The following PPP2R5E variants were observed in gnomAD, a reference collection of about 807,000 sequenced individuals.
The protein encoded by PPP2R5E is protein phosphatase 2 regulatory subunit B'epsilon.
Under a neutral mutation model 65.3 loss-of-function variants are expected in PPP2R5E, and 4 were observed. The observed-to-expected ratio is 0.06, with a 90% CI of 0.03 to 0.14. The LOEUF (loss-of-function observed/expected upper bound fraction) is 0.14, where lower values mean the gene tolerates loss of function less well. Among genes scored for constraint, PPP2R5E ranks in the 10% least tolerant of loss-of-function variants. The pLI is 1.00. For missense variants in PPP2R5E, 274 were observed against 556.1 expected (o/e 0.49, Z 5.10); for synonymous variants, 183 against 187.4 (o/e 0.98, Z 0.19).
chr14:63,469,297 T>C (rs894346618), intron 2 of PPP2R5E, among the ~76,000 whole-genome samples: 4 of 152,028 alleles, frequency 2.6e-5, no homozygotes, highest in Admixed American at 2.6e-4. Context: ...GAAGATATTA[T>C]AAGGGCATAT....
chr14:63,496,978 C>T (rs1200931914), intron 2 of PPP2R5E, among the ~76,000 whole-genome samples: 1 of 152,044 alleles, frequency 6.6e-6, no homozygotes. Flanking sequence ...CAGGCACTCA[C>T]CATAATAGCT....
At chr14:63,542,645 CCCGCACCCCA>C (rs1485489985) in intron 1 of PPP2R5E, 124 bp downstream of exon 1, 1 of 152,466 alleles carries the variant, frequency 6.6e-6, no homozygotes, top group Non-Finnish European at 1.5e-5. Context: ...CGCTCCCGCT[CCCGCACCCCA>C]CCCCACCGCA....
intron 2 of PPP2R5E, among the ~76,000 whole-genome samples, chr14:63,493,070 C>T (rs1357589602): frequency 6.6e-6 from 1 of 152,124 alleles, no homozygotes; most frequent in East Asian, 1.9e-4. Context: ...GTGAGTGTGG[C>T]ACGCAGCCAT....
chr14:63,384,507 G>C lies in PPP2R5E; in HGVS notation c.1139C>G (p.Ser380Cys), dbSNP rs950547340. The change falls in exon 12 of 14, where the codon TCT (serine) becomes TGT (cysteine). Residue 380 changes from serine (S) to cysteine (C), a missense_variant. Around this residue, in one of 6 missense-constraint regions of PPP2R5E, gnomAD observed 129 missense variants for 254.9 expected, o/e 0.51. Coordinates refer to ENST00000337537, the MANE Select transcript of PPP2R5E (RefSeq NM_006246.5). ...AAACATGATGGGAAGGATGACGTTA[G>C]AGTTTTCTTCTATCAAACTCATGAT... ...EYIMSLIEEN[S>C]NVILPIMFSS... The C allele has an allele frequency of 6.2e-7, 1 of 1,613,940 alleles. No homozygotes were observed. Among genetic ancestry groups the C allele is most frequent in the East Asian group, 2.2e-5 (1 of 44,858 alleles).
intron 5 of PPP2R5E, among the ~76,000 whole-genome samples, chr14:63,400,687 G>C (rs1224090711): frequency 2.0e-4 from 1 of 4,950 alleles, no homozygotes; most frequent in African/African-American, 3.2e-4. Flanking sequence ...AAGGCATGTG[G>C]CCCCAACCAG....
rs1883916806 is a variant in PPP2R5E, at chr14:63,375,132, T to G, written c.*877A>C. 1 of 152,598 alleles carries G rather than the reference T, an allele frequency of 6.6e-6. No homozygotes were observed. Among genetic ancestry groups the G allele is most frequent in the African/African-American group, 2.4e-5 (1 of 41,434 alleles). 9.5% of individuals were successfully genotyped at this position (152,598 alleles called of 1,614,324 possible). A position where few individuals can be genotyped will look rare whatever the true frequency, so the allele number is the denominator to read the frequency against. ...TTTCATGGTTGTATTGTTTAGTGTT[T>G]GTCTTTCTTATTTCAAATGGTCCAA... On this transcript the variant is annotated 3_prime_UTR_variant, in exon 14 of 14. Transcript: ENST00000337537.
At chr14:63,494,811 GGCTTGA>G (rs1184858757) in intron 2 of PPP2R5E, among the ~76,000 whole-genome samples, 1 of 151,728 alleles carries the variant, frequency 6.6e-6, no homozygotes, top group Non-Finnish European at 1.5e-5. Context: ...ATGGGAGGAT[GGCTTGA>G]GCCCAGGGGG....
In PPP2R5E at chr14:63,389,659, G is replaced by T; in HGVS notation, c.1027C>A (p.Pro343Thr). Residue 343 changes from proline (P) to threonine (T), a missense_variant, in exon 11 of 14, where the codon CCT (proline) becomes ACT (threonine). This residue lies in a region of PPP2R5E where 129 missense variants were observed against 254.9 expected (regional missense o/e 0.51). Transcript: ENST00000337537. Reference sequence around the variant, plus strand: ...CACTTGGCGATTTGTTTAAACAAAGGTTCTTGGATTTTAACAAATTGTGAA... The same window carrying T: ...CACTTGGCGATTTGTTTAAACAAAGTTTCTTGGATTTTAACAAATTGTGAA... The part of the protein sequence containing the change: ...EPSQFVKIQE[P>T]LFKQIAKCVS... 2 of 1,612,248 alleles carry T rather than the reference G, an allele frequency of 1.2e-6. No homozygotes were observed. The highest frequency in any genetic ancestry group is 1.8e-4 in the Middle Eastern group (1 of 5,658).
chr14:63,428,157 C>G (rs530228790), intron 3 of PPP2R5E, among the ~76,000 whole-genome samples: 1 of 152,288 alleles, frequency 6.6e-6, no homozygotes, highest in East Asian at 1.9e-4. Context: ...CCGGTTCAGA[C>G]CTCCAGCAGC....
intron 2 of PPP2R5E, among the ~76,000 whole-genome samples, chr14:63,455,574 T>A (rs1193739688): frequency 6.6e-6 from 1 of 152,168 alleles, no homozygotes; most frequent in African/African-American, 2.4e-5. Context: ...TAATCGGTTT[T>A]ACAATATTTA....
chr14:63,516,250 C>T (rs1179790072), intron 2 of PPP2R5E, among the ~76,000 whole-genome samples: 1 of 152,122 alleles, frequency 6.6e-6, no homozygotes, highest in Admixed American at 6.5e-5. Context: ...AATGACGACC[C>T]TCATTATCTT....
chr14:63,463,628 G>A (rs1594901941), intron 2 of PPP2R5E, among the ~76,000 whole-genome samples: 1 of 146,700 alleles, frequency 6.8e-6, no homozygotes. Flanking sequence ...ACGGAGTCTA[G>A]CTCTGTCACC....
At chr14:63,523,014 C>T (rs1431018621) in intron 2 of PPP2R5E, among the ~76,000 whole-genome samples, 1 of 150,582 alleles carries the variant, frequency 6.6e-6, no homozygotes, top group Non-Finnish European at 1.5e-5. Context: ...AGGGGCGCCT[C>T]TGCCCGGCCG....
chr14:63,396,859 G>A, intron 5 of PPP2R5E, 143 bp from the exon 6 acceptor site: 3 of 933,180 alleles, frequency 3.2e-6, no homozygotes, highest in African/African-American at 1.7e-5. Flanking sequence ...CTAGTCTTTG[G>A]GCATATCATG....
intron 2 of PPP2R5E, among the ~76,000 whole-genome samples, chr14:63,489,206 A>T (rs1050439237): frequency 6.6e-6 from 1 of 152,024 alleles, no homozygotes; most frequent in Non-Finnish European, 1.5e-5. Context: ...TTCTGATTTT[A>T]AAAATAGTAT....
chr14:63,516,831 T>C (rs1364284490), intron 2 of PPP2R5E, among the ~76,000 whole-genome samples: 1 of 152,234 alleles, frequency 6.6e-6, no homozygotes, highest in East Asian at 1.9e-4. Flanking sequence ...AGTAATGTAC[T>C]AACTTTGACA....
intron 5 of PPP2R5E, among the ~76,000 whole-genome samples, chr14:63,407,847 T>A (rs936874951): frequency 5.3e-5 from 8 of 152,184 alleles, no homozygotes; most frequent in African/African-American, 1.9e-4. Flanking sequence ...CTCTCTCTCA[T>A]CCTTCTGCCT....
chr14:63,443,447 T>C (rs937536487), intron 3 of PPP2R5E, among the ~76,000 whole-genome samples: 4 of 152,078 alleles, frequency 2.6e-5, no homozygotes, highest in Non-Finnish European at 5.9e-5. Flanking sequence ...TGACAGGATT[T>C]TACTCTAATG....
At chr14:63,483,891 T>C (rs919859784) in intron 2 of PPP2R5E, among the ~76,000 whole-genome samples, 1 of 152,052 alleles carries the variant, frequency 6.6e-6, no homozygotes, top group African/African-American at 2.4e-5. Context: ...GACACCAGCC[T>C]GGCCAATATG....
Sources: gnomAD v4.1 joint callset for allele counts (sites outside exome capture counted in the v4.1 genomes callset) on GRCh38, gnomAD v4.1.1 for gene constraint, gnomAD v4.1.1 regional missense constraint, MANE v1.5 for transcripts, NCBI Gene and HGNC (gene_info 2026-07-23, HGNC 2026-07-21) for gene names.